Variants in TYW1 observed in about 807,000 individuals in gnomAD.
TYW1 encodes tRNA-yW synthesizing protein 1 homolog, also known as S-adenosyl-L-methionine-dependent tRNA 4-demethylwyosine synthase TYW1.
TYW1 carries 46 observed loss-of-function variants against 96.2 expected under a neutral mutation model. The observed-to-expected ratio is 0.48, with a 90% CI of 0.38 to 0.61. The LOEUF (loss-of-function observed/expected upper bound fraction) is 0.61, where lower values mean the gene tolerates loss of function less well. Ranked by LOEUF, TYW1 falls within the 20% of genes least tolerant of loss-of-function variation. TYW1 has a pLI of 0.00. For missense variants in TYW1, 684 were observed against 909.6 expected, an observed-to-expected ratio of 0.75 and a Z score of 3.19; for synonymous variants, 274 against 323.0, an observed-to-expected ratio of 0.85 and a Z score of 1.63.
chr7:67,083,002 C>T (rs1415362823), intron 10 of TYW1, among the ~76,000 whole-genome samples: 5 of 152,140 alleles, frequency 3.3e-5, no homozygotes, highest in African/African-American at 9.6e-5. Flanking sequence ...CCCAGGCCTG[C>T]ATCAGGAGAA....
At chr7:67,074,051 T>TA (rs1796128334) in intron 10 of TYW1, among the ~76,000 whole-genome samples, 1 of 136,430 alleles carries the variant, frequency 7.3e-6, no homozygotes, top group Non-Finnish European at 1.5e-5. Context: ...CACTGCACTC[T>TA]AACCTGGGCT....
intron 13 of TYW1, among the ~76,000 whole-genome samples, chr7:67,171,182 A>G (rs1012526956): frequency 6.6e-6 from 1 of 151,954 alleles, no homozygotes; most frequent in Non-Finnish European, 1.5e-5. Flanking sequence ...TTTTTGGTAT[A>G]TAGTTGTTCA....
In TYW1 at chr7:67,009,630, T is replaced by G; in HGVS notation, c.321T>G (p.Pro107=). 1 of 1,612,628 alleles carries G rather than the reference T, an allele frequency of 6.2e-7. No individual in the cohort carries two copies. The change falls in exon 4 of 16, where the codon CCT becomes CCG. Residue 107 remains proline, a synonymous_variant. Coordinates refer to ENST00000359626, the MANE Select transcript of TYW1 (RefSeq NM_018264.4). ...AAGCAGTTACATCCCTGGATCTGCC[T>G]GTGGCCATTATTAATCTAAAAGAAT... The part of the protein sequence containing the change: ...LAEAVTSLDL[P]VAIINLKEYD...
At chr7:67,031,047 G>A (rs1794653300) in intron 7 of TYW1, among the ~76,000 whole-genome samples, 1 of 141,064 alleles carries the variant, frequency 7.1e-6, no homozygotes. Flanking sequence ...CTAAAAATTA[G>A]CTGGGCGTGG....
At chr7:67,184,632 AT>A (rs1247515867) in intron 14 of TYW1, among the ~76,000 whole-genome samples, 10 of 87,404 alleles carry the variant, frequency 1.1e-4, no homozygotes, top group East Asian at 3.1e-4. Context: ...ATTTTATTTT[AT>A]TTTATTTTAT....
chr7:67,006,825 G>A (rs577923257), intron 3 of TYW1, among the ~76,000 whole-genome samples: 6 of 151,940 alleles, frequency 3.9e-5, no homozygotes, highest in East Asian at 1.9e-4. Flanking sequence ...GGTTCTGCAG[G>A]CTCTACAAGC....
At chr7:67,060,401 A>G (rs1035713218) in intron 9 of TYW1, among the ~76,000 whole-genome samples, 1 of 152,242 alleles carries the variant, frequency 6.6e-6, no homozygotes, top group Admixed American at 6.5e-5. Flanking sequence ...AAGGGAAAAT[A>G]AAAGGTAAAC....
At chr7:67,069,841 T>C (rs1039697749) in intron 10 of TYW1, among the ~76,000 whole-genome samples, 1 of 152,252 alleles carries the variant, frequency 6.6e-6, no homozygotes, top group African/African-American at 2.4e-5. Context: ...GTTCTTTGTA[T>C]ATTTGTATGA....
At chr7:67,029,692 G>GTTTGTTT (rs765243242) in intron 7 of TYW1, among the ~76,000 whole-genome samples, 17 of 151,824 alleles carry the variant, frequency 1.1e-4, no homozygotes, top group Non-Finnish European at 2.4e-4. Flanking sequence ...AAGATTGCAG[G>GTTTGTTT]TTTGTTTTTT....
intron 4 of TYW1, among the ~76,000 whole-genome samples, chr7:67,010,297 C>T (rs1410688180): frequency 6.6e-6 from 1 of 151,076 alleles, no homozygotes; most frequent in Non-Finnish European, 1.5e-5. Flanking sequence ...GTGCCTGGCC[C>T]CTACTATTTT....
Position 67,055,857 on chromosome 7 carries a change from C to T in TYW1, c.1125C>T (p.His375=), listed in dbSNP as rs749630851. Residue 375 remains histidine, a synonymous_variant, in exon 9 of 16, where the codon CAC becomes CAT. Transcript: ENST00000359626. ...CAGGTTATCAGTTGATTGGGAGCCA[C>T]TCGGGGGTGAAGCTTTGCAGGTGGA... ...TKQGYQLIGS[H]SGVKLCRWTK... is the part of the protein sequence containing the mutation. The T allele has an allele frequency of 8.7e-6, 14 of 1,612,896 alleles. No homozygotes were observed. In the East Asian group the frequency reaches 3.1e-4, roughly 36 times the overall value.
intron 12 of TYW1, among the ~76,000 whole-genome samples, chr7:67,113,201 A>G (rs1332060740): frequency 6.6e-6 from 1 of 151,442 alleles, no homozygotes; most frequent in East Asian, 1.9e-4. Flanking sequence ...TACCCATTAC[A>G]TTTTCCCCAC....
intron 7 of TYW1, among the ~76,000 whole-genome samples, chr7:67,043,404 T>A (rs1795090832): frequency 6.7e-6 from 1 of 149,908 alleles, no homozygotes; most frequent in Admixed American, 6.7e-5. Flanking sequence ...TGCTAAATAA[T>A]CCCCACAGCA....
chr7:67,181,127 A>G (rs1376290217), intron 13 of TYW1, among the ~76,000 whole-genome samples: 1 of 152,140 alleles, frequency 6.6e-6, no homozygotes, highest in Non-Finnish European at 1.5e-5. Flanking sequence ...ACCTTTGGGT[A>G]TCTATGAAGA....
At chr7:67,128,133 G>T (rs1797958866) in intron 13 of TYW1, among the ~76,000 whole-genome samples, 1 of 152,046 alleles carries the variant, frequency 6.6e-6, no homozygotes, top group Non-Finnish European at 1.5e-5. Flanking sequence ...TACTACTTTT[G>T]TTCTTTTCTC....
intron 12 of TYW1, among the ~76,000 whole-genome samples, chr7:67,102,808 C>T (rs1260870569): frequency 5.3e-5 from 8 of 152,110 alleles, no homozygotes; most frequent in African/African-American, 1.9e-4. Context: ...CCCACCACCA[C>T]ACCCAGCTAA....
chr7:67,002,568 A>T (rs989927201), intron 3 of TYW1, among the ~76,000 whole-genome samples: 14 of 152,160 alleles, frequency 9.2e-5, no homozygotes, highest in African/African-American at 3.1e-4. Context: ...TTTTCGGATC[A>T]TTTCTTTGTC....
intron 15 of TYW1, among the ~76,000 whole-genome samples, chr7:67,214,219 T>G (rs115382570): frequency 0.014 from 2,129 of 152,326 alleles, 50 homozygotes; most frequent in African/African-American, 0.049. Context: ...ATATCCTGTA[T>G]ATGTTTTGTT....
chr7:67,209,196 A>C (rs1800914932), intron 15 of TYW1, among the ~76,000 whole-genome samples: 1 of 152,212 alleles, frequency 6.6e-6, no homozygotes, highest in Non-Finnish European at 1.5e-5. Flanking sequence ...ATTCAGGTAA[A>C]TGAGCCTGCA....
Sources: gnomAD v4.1 joint callset for allele counts (sites outside exome capture counted in the v4.1 genomes callset) on GRCh38, gnomAD v4.1.1 for gene constraint, MANE v1.5 for transcripts, NCBI Gene and HGNC (gene_info 2026-07-23, HGNC 2026-07-21) for gene names.